The following C10orf67 variants were observed in gnomAD, a reference collection of about 807,000 sequenced individuals.
C10orf67 encodes chromosome 10 open reading frame 67, also known as uncharacterized protein C10orf67, mitochondrial.
A neutral mutation model predicts 35.6 loss-of-function variants in C10orf67; 60 were observed. That is an observed-to-expected ratio of 1.68 (90% CI 1.37 to 2.09). The LOEUF (loss-of-function observed/expected upper bound fraction) is 2.09, where lower values mean the gene tolerates loss of function less well. C10orf67 is among the 30% of genes most tolerant of loss of function. The pLI is 0.00. For synonymous variants in C10orf67, 167 were observed against 115.8 expected (o/e 1.44, Z -2.84); for missense variants, 474 against 330.2 (o/e 1.44, Z -3.38).
At chr10:23,255,911 T>A (rs1842587965) in intron 10 of C10orf67, among the ~76,000 whole-genome samples, 1 of 152,216 alleles carries the variant, frequency 6.6e-6, no homozygotes, top group African/African-American at 2.4e-5. Flanking sequence ...AGGTTTTCAG[T>A]GATCATCTTT....
intron 2 of C10orf67, among the ~76,000 whole-genome samples, chr10:23,326,246 C>A (rs1845188628): frequency 6.6e-6 from 1 of 152,054 alleles, no homozygotes; most frequent in Non-Finnish European, 1.5e-5. Flanking sequence ...AATAATCAAG[C>A]TGTTGAAAAC....
At chr10:23,334,585 A>T (rs573751995) in intron 1 of C10orf67, among the ~76,000 whole-genome samples, 1 of 152,336 alleles carries the variant, frequency 6.6e-6, no homozygotes, top group South Asian at 2.1e-4. Flanking sequence ...AACTCAGATG[A>T]AGTTGACCAT....
In C10orf67 at chr10:23,336,626, C is replaced by T. The variant is rs116241277; in HGVS notation, c.207-3444G>A. On this transcript the variant is annotated intron_variant, in intron 1 of 15. Coordinates refer to ENST00000636213, the MANE Select transcript of C10orf67 (RefSeq NM_001371909.1). The stretch of plus-strand genomic sequence containing the variant: ...GCCTCCTGGGTTCAAGTGATTCTCA[C>T]GCCTCAGTCTCCGAAGTGGCTGGGA... Among the ~76,000 whole-genome samples the T allele has an allele frequency of 5.8e-3, 887 of 152,224 alleles. 1 individual carries two copies. The highest frequency in any genetic ancestry group is 0.02 in the African/African-American group (837 of 41,530).
intron 15 of C10orf67, among the ~76,000 whole-genome samples, chr10:23,209,908 A>C (rs1238776782): frequency 6.8e-6 from 1 of 146,948 alleles, no homozygotes; most frequent in Non-Finnish European, 1.5e-5. Flanking sequence ...GCTGAAGTGG[A>C]AGGATCACTT....
intron 4 of C10orf67, among the ~76,000 whole-genome samples, chr10:23,315,792 A>G (rs1844682874): frequency 6.6e-6 from 1 of 152,082 alleles, no homozygotes; most frequent in Admixed American, 6.6e-5. Context: ...AAACAAGAAT[A>G]ATACCGGATA....
chr10:23,236,179 G>A (rs1476644801), intron 13 of C10orf67, among the ~76,000 whole-genome samples: 2 of 149,832 alleles, frequency 1.3e-5, no homozygotes, highest in African/African-American at 4.9e-5. Context: ...AACCCGGGAG[G>A]CGGAGCTTGC....
chr10:23,285,355 T>G (rs1263405896), intron 7 of C10orf67, among the ~76,000 whole-genome samples: 1 of 148,976 alleles, frequency 6.7e-6, no homozygotes, highest in African/African-American at 2.4e-5. Context: ...CTATACTATA[T>G]TATATAATTT....
chr10:23,267,901 CA>C (rs1214396418), intron 8 of C10orf67, among the ~76,000 whole-genome samples: 5 of 138,916 alleles, frequency 3.6e-5, no homozygotes, highest in African/African-American at 1.3e-4. Flanking sequence ...AACTCAGTCT[CA>C]AAAAAAAGAA....
intron 10 of C10orf67, among the ~76,000 whole-genome samples, chr10:23,253,859 C>A (rs959950486): frequency 6.6e-6 from 1 of 152,150 alleles, no homozygotes; most frequent in African/African-American, 2.4e-5. Context: ...AAGATAACGT[C>A]TCTTTTCATT....
At chr10:23,321,931 G>T (rs1279671592) in intron 3 of C10orf67, among the ~76,000 whole-genome samples, 2 of 152,068 alleles carry the variant, frequency 1.3e-5, no homozygotes, top group African/African-American at 4.8e-5. Context: ...AGGACTACAG[G>T]CCTGCAACAC....
intron 1 of C10orf67, among the ~76,000 whole-genome samples, chr10:23,337,777 G>A (rs2132409489): frequency 6.6e-6 from 1 of 152,204 alleles, no homozygotes; most frequent in South Asian, 2.1e-4. Flanking sequence ...AGTTCTTTAT[G>A]ACCAGGTGAC....
In C10orf67 at chr10:23,266,407, C is replaced by A; in HGVS notation, c.1055G>T (p.Gly352Val). Residue 352 changes from glycine (G) to valine (V), a missense_variant, in exon 10 of 16, where the codon GGG becomes GTG. Coordinates refer to ENST00000636213, the MANE Select transcript of C10orf67 (RefSeq NM_001371909.1). ...LSVKVARSAK[G>V]REASLSPWPK... Reference sequence around the variant, plus strand: ...CCATGGGGACAAAGAGGCTTCTCTCCCCTTGGCTGATCTTGCAACCTGCCA... The same window carrying A: ...CCATGGGGACAAAGAGGCTTCTCTCACCTTGGCTGATCTTGCAACCTGCCA... 2.5e-6 allele frequency: 1 copy of A among 398,606 alleles called. No individual in the cohort carries two copies. The highest frequency in any genetic ancestry group is 4.4e-6 in the Non-Finnish European group (1 of 226,064). 24.7% of individuals were successfully genotyped at this position (398,606 alleles called of 1,614,324 possible). A position where few individuals can be genotyped will look rare whatever the true frequency, so the allele number is the denominator to read the frequency against.
At chr10:23,307,718 C>G (rs1383826467) in intron 4 of C10orf67, among the ~76,000 whole-genome samples, 3 of 151,630 alleles carry the variant, frequency 2.0e-5, no homozygotes, top group Non-Finnish European at 4.4e-5. Context: ...GATCTTCCCA[C>G]CTCTGCCTCC....
At chr10:23,307,012 C>T (rs1844310716) in intron 4 of C10orf67, among the ~76,000 whole-genome samples, 1 of 152,126 alleles carries the variant, frequency 6.6e-6, no homozygotes, top group South Asian at 2.1e-4. Context: ...AAGTAAACAT[C>T]AATGGTGCAA....
chr10:23,329,647 A>C (rs371796270), intron 2 of C10orf67, among the ~76,000 whole-genome samples: 1 of 151,986 alleles, frequency 6.6e-6, no homozygotes, highest in African/African-American at 2.4e-5. Flanking sequence ...CAAAAATTTA[A>C]AAATTAGTTG....
intron 1 of C10orf67, among the ~76,000 whole-genome samples, chr10:23,336,430 TGA>T (rs1845684672): frequency 6.6e-6 from 1 of 152,184 alleles, no homozygotes; most frequent in Non-Finnish European, 1.5e-5. Flanking sequence ...TTCTGTCCAA[TGA>T]GAGGGCCTAG....
intron 4 of C10orf67, among the ~76,000 whole-genome samples, chr10:23,311,152 A>G (rs1046776030): frequency 8.5e-5 from 13 of 152,116 alleles, no homozygotes; most frequent in African/African-American, 3.1e-4. Flanking sequence ...TTTGAGCAGT[A>G]TTTTGTTATT....
At chr10:23,254,564 T>G (rs1182914812) in intron 10 of C10orf67, among the ~76,000 whole-genome samples, 1 of 152,198 alleles carries the variant, frequency 6.6e-6, no homozygotes, top group African/African-American at 2.4e-5. Flanking sequence ...AATTTGTATA[T>G]ACATTTATAA....
At chr10:23,322,757 T>C (rs1202610024) in intron 2 of C10orf67, among the ~76,000 whole-genome samples, 1 of 151,906 alleles carries the variant, frequency 6.6e-6, no homozygotes, top group Non-Finnish European at 1.5e-5. Flanking sequence ...GGTGATGAAA[T>C]CATCTGTACA....
Sources: allele counts gnomAD v4.1 joint callset (sites outside exome capture counted in the v4.1 genomes callset), GRCh38; gene constraint gnomAD v4.1.1; transcripts MANE v1.5; gene names NCBI Gene and HGNC (gene_info 2026-07-23, HGNC 2026-07-21).